TBL1X: variants seen among roughly 807,000 people sequenced by gnomAD.
The protein encoded by TBL1X is F-box-like/WD repeat-containing protein TBL1X.
TBL1X carries 10 observed loss-of-function variants against 50.7 expected under a neutral mutation model. The ratio of observed to expected loss-of-function variants is 0.20; its 90% CI spans 0.12 to 0.33. The LOEUF (loss-of-function observed/expected upper bound fraction) is 0.33, where lower values mean the gene tolerates loss of function less well. TBL1X is among the 10% of genes least tolerant of loss of function. The pLI, the probability that TBL1X is intolerant of heterozygous loss-of-function variation, is 1.00. For synonymous variants in TBL1X, 190 were observed against 214.7 expected, an observed-to-expected ratio of 0.88 and a Z score of 1.01; for missense variants, 340 against 504.4, an observed-to-expected ratio of 0.67 and a Z score of 3.12.
intron 2 of TBL1X, among the ~76,000 whole-genome samples, chrX:9,597,133 A>G (rs2055991368): frequency 8.9e-6 from 1 of 111,746 alleles, no homozygotes; most frequent in African/African-American, 3.3e-5. Flanking sequence ...ACCTAAGTGG[A>G]TAGGAGACTC....
chrX:9,648,067 ATAGTGGTGCAGCTGCCCC>A (rs2082814224), intron 3 of TBL1X, among the ~76,000 whole-genome samples: 1 of 111,049 alleles, frequency 9.0e-6, no homozygotes, highest in Non-Finnish European at 1.9e-5. Flanking sequence ...CCAGGGCTAG[ATAGTGGTGCAGCTGCCCC>A]TAGAAGTCAG....
At position 9,660,503 on chromosome X, in the gene TBL1X, G is replaced by A. The variant is rs2082891677; in HGVS notation, c.211+6181G>A. On this transcript the variant is annotated intron_variant, in intron 5 of 17. Coordinates refer to ENST00000645353, the MANE Select transcript of TBL1X (RefSeq NM_005647.4). ...TGAATTCCCAGAGTGAGGAACTTCT[G>A]GCTTAGCTCTAAAGATTTAAAGACC... 1.8e-5 allele frequency among the ~76,000 whole-genome samples: 2 copies of A among 111,968 alleles called. 1 individual carries two copies. The highest frequency in any genetic ancestry group is 7.5e-4 in the South Asian group (2 of 2,668).
intron 2 of TBL1X, among the ~76,000 whole-genome samples, chrX:9,556,543 T>G (rs2082300988): frequency 9.2e-6 from 1 of 108,599 alleles, no homozygotes; most frequent in Admixed American, 9.9e-5. Context: ...TAGTCCCAGC[T>G]ACTTGGAGGC....
intron 2 of TBL1X, among the ~76,000 whole-genome samples, chrX:9,600,000 C>T (rs1370286303): frequency 9.0e-6 from 1 of 111,620 alleles, no homozygotes; most frequent in African/African-American, 3.3e-5. Context: ...TGTCAGTAGA[C>T]ACACTAAACC....
intron 5 of TBL1X, among the ~76,000 whole-genome samples, chrX:9,678,863 T>A (rs2083009099): frequency 1.8e-5 from 2 of 111,670 alleles, no homozygotes; most frequent in African/African-American, 6.5e-5. Flanking sequence ...TTTTAAATGT[T>A]TATGTTGCCT....
rs938482673 is a variant in TBL1X, at chrX:9,705,041, G to A, written c.1163G>A (p.Cys388Tyr). Residue 388 changes from cysteine (C) to tyrosine (Y), a missense_variant, in exon 13 of 18, where the codon TGT (cysteine) becomes TAT (tyrosine). By Grantham distance (194) the Cys-to-Tyr change is radical (BLOSUM62 -2). Around this residue, in one of 6 missense-constraint regions of TBL1X, gnomAD observed 170 missense variants for 272.6 expected, o/e 0.62. Transcript: ENST00000645353. Reference protein sequence around the residue: ...DWQNNTTFASCSTDMCIHVCR... With the variant: ...DWQNNTTFASYSTDMCIHVCR... Reference sequence around the variant, plus strand: ...CAGAACAACACGACCTTTGCCTCCTGTAGCACAGACATGTGTATCCATGTG... The same window carrying A: ...CAGAACAACACGACCTTTGCCTCCTATAGCACAGACATGTGTATCCATGTG... 8.2e-7 allele frequency: 1 copy of A among 1,212,178 alleles called. No individual in the cohort carries two copies. The highest frequency in any genetic ancestry group is 1.1e-6 in the Non-Finnish European group (1 of 895,639).
At chrX:9,679,606 T>C (rs372236793) in intron 5 of TBL1X, among the ~76,000 whole-genome samples, 24 of 112,329 alleles carry the variant, frequency 2.1e-4, no homozygotes, top group African/African-American at 7.1e-4. Flanking sequence ...GGGGCAGTCC[T>C]TGGTGCTTCG....
intron 1 of TBL1X, among the ~76,000 whole-genome samples, chrX:9,476,853 C>G (rs1024350621): frequency 8.9e-6 from 1 of 112,133 alleles, no homozygotes. Context: ...AATTTTAGTT[C>G]AGATAATTGT....
At chrX:9,492,838 G>GGTGTGTGTGT (rs774050435) in intron 1 of TBL1X, among the ~76,000 whole-genome samples, 54 of 56,986 alleles carry the variant, frequency 9.5e-4, no homozygotes, top group South Asian at 2.5e-3. Context: ...GGGGCTAGAG[G>GGTGTGTGTGT]GTGTGTGTGT....
intron 2 of TBL1X, among the ~76,000 whole-genome samples, chrX:9,620,889 CT>C (rs2082663508): frequency 1.8e-5 from 2 of 112,085 alleles, no homozygotes; most frequent in South Asian, 7.4e-4. Context: ...GGGAGATAAC[CT>C]CACCTTCCAC....
chrX:9,563,267 G>A (rs1000382736), intron 2 of TBL1X, among the ~76,000 whole-genome samples: 1 of 112,716 alleles, frequency 8.9e-6, no homozygotes, highest in African/African-American at 3.2e-5. Flanking sequence ...CCCCTAAGGG[G>A]AAAAAAGGAG....
chrX:9,716,397 T>C lies in TBL1X; in HGVS notation c.*151T>C. On this transcript the variant is annotated 3_prime_UTR_variant, in exon 18 of 18. Coordinates refer to ENST00000645353, the MANE Select transcript of TBL1X (RefSeq NM_005647.4). ...GTCTCTGGCCGCAGGAGTCTATATG[T>C]TTTCGTAATCTTCATCAAGAAGTTT... 1 of 545,975 alleles carries C rather than the reference T, an allele frequency of 1.8e-6. No individual in the cohort carries two copies. The highest frequency in any genetic ancestry group is 2.8e-6 in the Non-Finnish European group (1 of 355,872). The allele number at this position is 545,975 out of a possible 1,213,427, so 45.0% of individuals were successfully genotyped here.
intron 2 of TBL1X, among the ~76,000 whole-genome samples, chrX:9,581,150 C>A (rs902208626): frequency 5.4e-5 from 6 of 111,967 alleles, no homozygotes; most frequent in South Asian, 3.8e-4. Flanking sequence ...ATCATGTGTC[C>A]CTAGGAATTG....
intron 2 of TBL1X, among the ~76,000 whole-genome samples, chrX:9,598,951 G>GT (rs1454055684): frequency 1.4e-3 from 134 of 98,000 alleles, no homozygotes; most frequent in Middle Eastern, 5.2e-3. Context: ...TTTGTTTTTT[G>GT]TTTTTTTTTT....
intron 2 of TBL1X, among the ~76,000 whole-genome samples, chrX:9,622,285 C>T (rs1033622218): frequency 9.0e-6 from 1 of 110,865 alleles, no homozygotes; most frequent in African/African-American, 3.3e-5. Flanking sequence ...CACTGATTCT[C>T]CATCCCCCAT....
intron 1 of TBL1X, among the ~76,000 whole-genome samples, chrX:9,471,183 A>G (rs957650585): frequency 5.3e-5 from 6 of 112,625 alleles, no homozygotes; most frequent in African/African-American, 1.6e-4. Context: ...CTGTGTTTCT[A>G]TGGAGCTGCT....
rs34666783 is a variant in TBL1X at position 9,705,723 on chromosome X, T to TAAA, written c.1236+627_1236+629dup. 6.4e-3 allele frequency among the ~76,000 whole-genome samples: 502 copies of TAAA among 78,207 alleles called. 3 individuals carry two copies. Among genetic ancestry groups the TAAA allele is most frequent in the African/African-American group, 0.024 (489 of 20,727 alleles). 67.9% of individuals were successfully genotyped at this position (78,207 alleles called of 115,157 possible). A position where few individuals can be genotyped will look rare whatever the true frequency, so the allele number is the denominator to read the frequency against. On this transcript the variant is annotated intron_variant, in intron 13 of 17. Transcript: ENST00000645353. ...GCAACAGAGCAAGACCTTGTCTCTTTAAAAAAAAAAAAAAAAAAAAGAAAA... is the reference window on the plus strand; with the variant it reads ...GCAACAGAGCAAGACCTTGTCTCTTTAAAAAAAAAAAAAAAAAAAAAAAGAAAA...
chrX:9,577,769 G>A (rs780727719), intron 2 of TBL1X, among the ~76,000 whole-genome samples: 6 of 112,422 alleles, frequency 5.3e-5, no homozygotes, highest in Admixed American at 9.4e-5. Flanking sequence ...TGAGCAGGCA[G>A]CAGCCTGGTA....
chrX:9,578,133 C>T (rs1023827266), intron 2 of TBL1X, among the ~76,000 whole-genome samples: 3 of 112,229 alleles, frequency 2.7e-5, no homozygotes, highest in Non-Finnish European at 3.8e-5. Flanking sequence ...GAAGTGTTCT[C>T]ATCACTTTTG....
Sources: gnomAD v4.1 joint callset for allele counts (sites outside exome capture counted in the v4.1 genomes callset) on GRCh38, gnomAD v4.1.1 for gene constraint, gnomAD v4.1.1 regional missense constraint, MANE v1.5 for transcripts, NCBI Gene and HGNC (gene_info 2026-07-23, HGNC 2026-07-21) for gene names.